KCNK12: variants seen among roughly 807,000 people sequenced by gnomAD.
KCNK12 encodes potassium channel subfamily K member 12.
A neutral mutation model predicts 25.3 loss-of-function variants in KCNK12; 6 were observed. The observed-to-expected ratio is 0.24, with a 90% CI of 0.13 to 0.47. The LOEUF (loss-of-function observed/expected upper bound fraction) is 0.47, where lower values mean the gene tolerates loss of function less well. Ranked by LOEUF, KCNK12 falls within the 20% of genes least tolerant of loss-of-function variation. KCNK12 has a pLI of 0.99. For synonymous variants in KCNK12, 331 were observed against 311.1 expected (o/e 1.06, Z -0.67); for missense variants, 444 against 661.7 (o/e 0.67, Z 3.61).
At chr2:47,536,500 T>C (rs1669071987) in intron 1 of KCNK12, among the ~76,000 whole-genome samples, 1 of 152,182 alleles carries the variant, frequency 6.6e-6, no homozygotes, top group South Asian at 2.1e-4. Flanking sequence ...ATTGTCTCCA[T>C]CTTAGTTTCA....
rs150640034 is a variant in KCNK12 at position 47,549,458 on chromosome 2, A to T, written c.391+20483T>A. Among the ~76,000 whole-genome samples the T allele has an allele frequency of 8.7e-4, 132 of 152,310 alleles. 2 individuals are homozygous for T. The highest frequency in any genetic ancestry group is 8.5e-3 in the East Asian group (44 of 5,190). ...ATATGCAAAGAAGCAGGAAGATGTG[A>T]CCCAGAAATAAGAGAAAAATAGTCA... On this transcript the variant is annotated intron_variant, in intron 1 of 1. Transcript: ENST00000327876.
chr2:47,541,055 C>CT (rs1669187044), intron 1 of KCNK12, among the ~76,000 whole-genome samples: 2 of 152,344 alleles, frequency 1.3e-5, no homozygotes, highest in East Asian at 3.9e-4. Flanking sequence ...TTATTGAACT[C>CT]TGAGTGCCCT....
rs10197011 is a variant in KCNK12 at position 47,520,173 on chromosome 2, C to G, written c.*734G>C. The G allele has an allele frequency of 0.53, 79,948 of 152,104 alleles. 23,267 individuals carry two copies. Among genetic ancestry groups the G allele is most frequent in the African/African-American group, 0.78 (32,372 of 41,478 alleles). 9.4% of individuals were successfully genotyped at this position (152,104 alleles called of 1,614,324 possible). On this transcript the variant is annotated 3_prime_UTR_variant, in exon 2 of 2. Transcript: ENST00000327876. This position sits in a 1 kb window ranked among gnomAD's most constrained non-coding sequence, Gnocchi z 5.0. Reference sequence around the variant, plus strand: ...GCCCAGCAGGGCTCCTGCAGCCTCACCGCTCCCCTCCTCACAGGTGCCCTG... The same window carrying G: ...GCCCAGCAGGGCTCCTGCAGCCTCAGCGCTCCCCTCCTCACAGGTGCCCTG...
chr2:47,514,686 A>G lies in KCNK12; in HGVS notation c.*6221T>C, dbSNP rs1013783234. ...AGTGCAGTGGCATGATCATGGCTCA[A>G]TGAAACATCGACTTCCTGGGCTCAG... On this transcript the variant is annotated 3_prime_UTR_variant, in exon 2 of 2. Transcript: ENST00000327876. The surrounding 1 kb of genome is among the most constrained non-coding windows in gnomAD (Gnocchi z 5.0). Among the ~76,000 whole-genome samples the G allele has an allele frequency of 6.6e-6, 1 of 151,674 alleles. No individual in the cohort carries two copies. The highest frequency in any genetic ancestry group is 2.4e-5 in the African/African-American group (1 of 41,254).
chr2:47,534,110 A>G (rs1318678889), intron 1 of KCNK12, among the ~76,000 whole-genome samples: 1 of 152,110 alleles, frequency 6.6e-6, no homozygotes, highest in Non-Finnish European at 1.5e-5. Context: ...CCACAGGCTC[A>G]GGCCAGTGAC....
chr2:47,524,421 CAAA>C (rs2104737665), intron 1 of KCNK12, among the ~76,000 whole-genome samples: 1 of 152,256 alleles, frequency 6.6e-6, no homozygotes, highest in East Asian at 1.9e-4. Context: ...ATAAATCTCA[CAAA>C]AAGAATGTGG....
At position 47,565,500 on chromosome 2, in the gene KCNK12, C is replaced by T. The variant is rs1669772371; in HGVS notation, c.391+4441G>A. 6.6e-6 allele frequency: 1 copy of T among 152,226 alleles called. No homozygotes were observed. Among genetic ancestry groups the T allele is most frequent in the South Asian group, 2.1e-4 (1 of 4,832 alleles). The allele number at this position is 152,226 out of a possible 1,614,324, so 9.4% of individuals were successfully genotyped here. A position where few individuals can be genotyped will look rare whatever the true frequency, so the allele number is the denominator to read the frequency against. On this transcript the variant is annotated intron_variant, in intron 1 of 1. Coordinates refer to ENST00000327876, the MANE Select transcript of KCNK12 (RefSeq NM_022055.2). The surrounding 1 kb of genome is among the most constrained non-coding windows in gnomAD (Gnocchi z 5.0). ...GTGACAACTCTTATACCTACACCAT[C>T]CCGTCTACAGCGGCATGATTTTAGC...
Position 47,562,103 on chromosome 2 carries a change from T to C in KCNK12, c.391+7838A>G. The C allele has an allele frequency of 2.5e-6, 1 of 398,588 alleles. No homozygotes were observed. The highest frequency in any genetic ancestry group is 4.4e-6 in the Non-Finnish European group (1 of 226,074). 24.7% of individuals were successfully genotyped at this position (398,588 alleles called of 1,614,324 possible). On this transcript the variant is annotated intron_variant, in intron 1 of 1. Transcript: ENST00000327876. This position sits in a 1 kb window ranked among gnomAD's most constrained non-coding sequence, Gnocchi z 4.8. ...CTCTACCCTAGCGACTCCAAGTGCA[T>C]CAGCATAGGCATTGCCAGGAGCTCA... is the stretch of plus-strand genomic sequence containing the variant.
intron 1 of KCNK12, among the ~76,000 whole-genome samples, chr2:47,541,160 C>G (rs529425179): frequency 6.6e-6 from 1 of 152,268 alleles, no homozygotes; most frequent in South Asian, 2.1e-4. Flanking sequence ...CATCCCTCAC[C>G]CTTTTCCAAT....
chr2:47,557,986 T>C lies in KCNK12; in HGVS notation c.391+11955A>G, dbSNP rs552337734. On this transcript the variant is annotated intron_variant, in intron 1 of 1. Transcript: ENST00000327876. The surrounding 1 kb of genome is among the most constrained non-coding windows in gnomAD (Gnocchi z 4.9). Reference sequence around the variant, plus strand: ...CTGCTTACAGGAGCTTTGGAATGAATCCCTTTGAGAAGCAAAGCCTTCTTT... The same window carrying C: ...CTGCTTACAGGAGCTTTGGAATGAACCCCTTTGAGAAGCAAAGCCTTCTTT... 6.6e-6 allele frequency among the ~76,000 whole-genome samples: 1 copy of C among 152,334 alleles called. No homozygotes were observed. Among genetic ancestry groups the C allele is most frequent in the African/African-American group, 2.4e-5 (1 of 41,582 alleles).
rs1028156362 is a variant in KCNK12 at position 47,516,751 on chromosome 2, G to A, written c.*4156C>T. On this transcript the variant is annotated 3_prime_UTR_variant, in exon 2 of 2. Coordinates refer to ENST00000327876, the MANE Select transcript of KCNK12 (RefSeq NM_022055.2). ...TAAAAAATGATTTGTAAAGCAAGGG[G>A]GAGCTTCCTTAGGGAAGAAGGGGAA... The A allele has an allele frequency of 6.6e-6, 1 of 152,284 alleles. No individual in the cohort carries two copies. The highest frequency in any genetic ancestry group is 1.5e-5 in the Non-Finnish European group (1 of 68,098). The allele number at this position is 152,284 out of a possible 1,614,324, so 9.4% of individuals were successfully genotyped here.
intron 1 of KCNK12, chr2:47,564,079 C>T (rs964349054): frequency 8.6e-6 from 2 of 231,434 alleles, no homozygotes; most frequent in South Asian, 3.6e-4. Context: ...CTCATTAAAA[C>T]AAGGGAGGTT....
rs1305245410 is a variant in KCNK12, at chr2:47,562,244, A to C, written c.391+7697T>G. ...AGTTTGAAAAGCACTGCTGCATGCT[A>C]TCCTACCTTCCTGGTCTGTAACATC... On this transcript the variant is annotated intron_variant, in intron 1 of 1. Coordinates refer to ENST00000327876, the MANE Select transcript of KCNK12 (RefSeq NM_022055.2). This position sits in a 1 kb window ranked among gnomAD's most constrained non-coding sequence, Gnocchi z 4.8. The C allele has an allele frequency of 7.5e-6, 3 of 397,876 alleles. No homozygotes were observed. The highest frequency in any genetic ancestry group is 2.1e-5 in the African/African-American group (1 of 48,744). The allele number at this position is 397,876 out of a possible 1,614,324, so 24.6% of individuals were successfully genotyped here. A position where few individuals can be genotyped will look rare whatever the true frequency, so the allele number is the denominator to read the frequency against.
rs751610234 is a variant in KCNK12, at chr2:47,569,273, C to T, written c.391+668G>A. Reference sequence around the variant, plus strand: ...AGTGGCAAGGGAACAAAAAAAGGGTCAAGAAATTGGAGAAGGGGCTGGGAG... The same window carrying T: ...AGTGGCAAGGGAACAAAAAAAGGGTTAAGAAATTGGAGAAGGGGCTGGGAG... On this transcript the variant is annotated intron_variant, in intron 1 of 1. Coordinates refer to ENST00000327876, the MANE Select transcript of KCNK12 (RefSeq NM_022055.2). This position sits in a 1 kb window ranked among gnomAD's most constrained non-coding sequence, Gnocchi z 4.1. Among the ~76,000 whole-genome samples the T allele has an allele frequency of 6.6e-6, 1 of 152,076 alleles. No homozygotes were observed. The highest frequency in any genetic ancestry group is 1.5e-5 in the Non-Finnish European group (1 of 68,024).
At position 47,520,545 on chromosome 2, in the gene KCNK12, T is replaced by G; in HGVS notation, c.*362A>C. ...TTCAGAGCCACGAAAAGTTGCACCA[T>G]ATGCTTTGGGGTTGCCGGCTGCTTC... On this transcript the variant is annotated 3_prime_UTR_variant, in exon 2 of 2. Transcript: ENST00000327876. The surrounding 1 kb of genome is among the most constrained non-coding windows in gnomAD (Gnocchi z 5.0). The G allele has an allele frequency of 5.2e-6, 1 of 192,900 alleles. No individual in the cohort carries two copies. Among genetic ancestry groups the G allele is most frequent in the Non-Finnish European group, 1.0e-5 (1 of 95,628 alleles). The allele number at this position is 192,900 out of a possible 1,614,324, so 11.9% of individuals were successfully genotyped here.
chr2:47,518,485 C>T lies in KCNK12; in HGVS notation c.*2422G>A, dbSNP rs1468141210. The stretch of plus-strand genomic sequence containing the variant: ...CAAGTAAAAACAGCTGAGGCTGCAG[C>T]ATAAGCAACTTAGGATAGAGTCTAG... On this transcript the variant is annotated 3_prime_UTR_variant, in exon 2 of 2. Transcript: ENST00000327876. The surrounding 1 kb of genome is among the most constrained non-coding windows in gnomAD (Gnocchi z 4.1). The T allele has an allele frequency of 6.6e-6, 1 of 152,228 alleles. No individual in the cohort carries two copies. Among genetic ancestry groups the T allele is most frequent in the Non-Finnish European group, 1.5e-5 (1 of 68,046 alleles). 9.4% of individuals were successfully genotyped at this position (152,228 alleles called of 1,614,324 possible).
rs908311780 is a variant in KCNK12 at position 47,509,312 on chromosome 2, T to G, written c.*11595A>C. Reference sequence around the variant, plus strand: ...ACATTGAGCACTGAGTGAAAAAGTTTTATTGCCAAACAGGAAACCTGATTC... The same window carrying G: ...ACATTGAGCACTGAGTGAAAAAGTTGTATTGCCAAACAGGAAACCTGATTC... On this transcript the variant is annotated 3_prime_UTR_variant, in exon 2 of 2. Coordinates refer to ENST00000327876, the MANE Select transcript of KCNK12 (RefSeq NM_022055.2). 3.3e-5 allele frequency among the ~76,000 whole-genome samples: 5 copies of G among 152,212 alleles called. No individual in the cohort carries two copies. The highest frequency in any genetic ancestry group is 1.2e-4 in the African/African-American group (5 of 41,444).
chr2:47,559,285 G>A (rs1236112155), intron 1 of KCNK12, among the ~76,000 whole-genome samples: 2 of 152,188 alleles, frequency 1.3e-5, no homozygotes, highest in African/African-American at 2.4e-5. Context: ...TTAAAGCAAC[G>A]GCCCAGCAGA....
In KCNK12 at chr2:47,569,496, G is replaced by A. The variant is rs527331490; in HGVS notation, c.391+445C>T. ...AGAGGCCACTGAGGGAGAAAACAGG[G>A]TAAAAGAAGAAAGCGGGGGAGACTA... On this transcript the variant is annotated intron_variant, in intron 1 of 1. Coordinates refer to ENST00000327876, the MANE Select transcript of KCNK12 (RefSeq NM_022055.2). This position sits in a 1 kb window ranked among gnomAD's most constrained non-coding sequence, Gnocchi z 4.1. Among the ~76,000 whole-genome samples, 9 of 151,264 alleles carry A rather than the reference G, an allele frequency of 5.9e-5. No individual in the cohort carries two copies. In the East Asian group the frequency reaches 1.4e-3, roughly 24 times the overall value.
Sources: allele counts gnomAD v4.1 joint callset (sites outside exome capture counted in the v4.1 genomes callset), GRCh38; gene constraint gnomAD v4.1.1; non-coding constraint Gnocchi (gnomAD v3.1); transcripts MANE v1.5; gene names NCBI Gene and HGNC (gene_info 2026-07-23, HGNC 2026-07-21).